Variants in DAO observed in about 807,000 individuals in gnomAD.
The protein encoded by DAO is D-amino acid oxidase, also known as D-amino-acid oxidase.
Under a neutral mutation model 50.1 loss-of-function variants are expected in DAO, and 51 were observed. That is an observed-to-expected ratio of 1.02 (90% CI 0.81 to 1.29). The LOEUF (loss-of-function observed/expected upper bound fraction) is 1.29, where lower values mean the gene tolerates loss of function less well. DAO is among the 50% of genes most tolerant of loss of function. The probability of loss-of-function intolerance (pLI) is 0.00; values close to 1 mark genes in which losing one functional copy is unlikely to be tolerated. For synonymous variants in DAO, 160 were observed against 166.2 expected, an observed-to-expected ratio of 0.96 and a Z score of 0.29; for missense variants, 436 against 439.4, an observed-to-expected ratio of 0.99 and a Z score of 0.07.
At chr12:108,898,836 G>T in intron 9 of DAO, 40 bp downstream of exon 9, 1 of 1,394,962 alleles carries the variant, frequency 7.2e-7, no homozygotes, top group Non-Finnish European at 1.0e-6. Context: ...AACCAAGGTC[G>T]TGGGAGCTTG....
chr12:108,900,742 C>A lies in DAO; in HGVS notation c.*207C>A, dbSNP rs866650219. On this transcript the variant is annotated 3_prime_UTR_variant, in exon 11 of 11. Coordinates refer to ENST00000228476, the MANE Select transcript of DAO (RefSeq NM_001917.5). ...CATCACTGAAATCCCTCTACCTTCTCTGGGTCTGGCATTATAAAGAACAGC... is the reference window on the plus strand; with the variant it reads ...CATCACTGAAATCCCTCTACCTTCTATGGGTCTGGCATTATAAAGAACAGC... The A allele has an allele frequency of 1.9e-5, 10 of 530,894 alleles. No individual in the cohort carries two copies. The Middle Eastern group carries it at 1.9e-3, about 99-fold the overall frequency. 32.9% of individuals were successfully genotyped at this position (530,894 alleles called of 1,614,324 possible). A position where few individuals can be genotyped will look rare whatever the true frequency, so the allele number is the denominator to read the frequency against.
At chr12:108,888,088 G>A (rs2039454000) in intron 3 of DAO, among the ~76,000 whole-genome samples, 1 of 152,216 alleles carries the variant, frequency 6.6e-6, no homozygotes, top group African/African-American at 2.4e-5. Flanking sequence ...AAGAAATGGA[G>A]TAACTTGCCC....
At chr12:108,895,299 A>ATATGAGGGTATGTGTGTGTGCATG (rs543716837) in intron 7 of DAO, among the ~76,000 whole-genome samples, 1 of 145,418 alleles carries the variant, frequency 6.9e-6, no homozygotes, top group African/African-American at 2.6e-5. Context: ...GTATGTGTGC[A>ATATGAGGGTATGTGTGTGTGCATG]TATGTGTGTG....
chr12:108,899,422 C>T lies in DAO; in HGVS notation c.859C>T (p.Pro287Ser). Residue 287 changes from proline (P) to serine (S), a missense_variant, in exon 10 of 11, where the codon CCC (proline) becomes TCC (serine). Pro to Ser is a moderately conservative substitution (Grantham distance 74). Transcript: ENST00000228476. ...ACGAACTGGCTTCCGGCCAGTACGC[C>T]CCCAGATTCGGCTAGAAAGAGAACA... ...GERTGFRPVR[P>S]QIRLEREQLR... is the part of the protein sequence containing the mutation. 1 of 1,613,854 alleles carries T rather than the reference C, an allele frequency of 6.2e-7. No homozygotes were observed. The highest frequency in any genetic ancestry group is 8.5e-7 in the Non-Finnish European group (1 of 1,179,924).
chr12:108,885,073 T>C lies in DAO; in HGVS notation c.67T>C (p.Tyr23His), dbSNP rs2039420545. 2.5e-6 allele frequency: 4 copies of C among 1,614,196 alleles called. No homozygotes were observed. Among genetic ancestry groups the C allele is most frequent in the Non-Finnish European group, 3.4e-6 (4 of 1,180,036 alleles). Reference protein sequence around the residue: ...LSTALCIHERYHSVLQPLDIK... With the variant: ...LSTALCIHERHHSVLQPLDIK... ...CACCGCCCTCTGCATCCATGAGCGCTACCACTCAGTCCTGCAGCCACTGGA... is the reference window on the plus strand; with the variant it reads ...CACCGCCCTCTGCATCCATGAGCGCCACCACTCAGTCCTGCAGCCACTGGA... The change falls in exon 2 of 11, where the codon TAC (tyrosine) becomes CAC (histidine). Residue 23 changes from tyrosine (Y) to histidine (H), a missense_variant. Tyr to His is a moderately conservative substitution (Grantham distance 83). Transcript: ENST00000228476.
intron 1 of DAO, among the ~76,000 whole-genome samples, chr12:108,880,949 C>A (rs1008126106): frequency 6.6e-6 from 1 of 152,038 alleles, no homozygotes; most frequent in African/African-American, 2.4e-5. Flanking sequence ...GAATGCTGTC[C>A]CATACTGACT....
intron 4 of DAO, among the ~76,000 whole-genome samples, chr12:108,889,919 T>C (rs1341031819): frequency 6.6e-6 from 1 of 152,166 alleles, no homozygotes; most frequent in Non-Finnish European, 1.5e-5. Context: ...TACAGCCTGA[T>C]GCCTCTCTGG....
chr12:108,891,119 C>A (rs939718301), intron 5 of DAO, among the ~76,000 whole-genome samples: 1 of 152,152 alleles, frequency 6.6e-6, no homozygotes, highest in African/African-American at 2.4e-5. Flanking sequence ...CCACGCCCAG[C>A]CTGATTCCAT....
chr12:108,885,011 G>A lies in DAO; in HGVS notation c.5G>A (p.Arg2His), dbSNP rs142698254. M[R>H]VVVIGAGVIG... The stretch of plus-strand genomic sequence containing the variant: ...TCCTTCCCACAGGCTGCTGCAATGC[G>A]TGTGGTGGTGATTGGAGCAGGAGTC... Residue 2 changes from arginine to histidine, a missense_variant, in exon 2 of 11, where the codon CGT becomes CAT. Transcript: ENST00000228476. The A allele has an allele frequency of 3.7e-5, 60 of 1,613,966 alleles. No homozygotes were observed. Among genetic ancestry groups the A allele is most frequent in the African/African-American group, 3.5e-4 (26 of 74,918 alleles).
intron 1 of DAO, among the ~76,000 whole-genome samples, chr12:108,882,966 T>C (rs891570471): frequency 6.6e-6 from 1 of 151,682 alleles, no homozygotes; most frequent in Non-Finnish European, 1.5e-5. Flanking sequence ...TGAGCTATGA[T>C]TGTGCCACTG....
intron 5 of DAO, among the ~76,000 whole-genome samples, chr12:108,891,443 C>T (rs1319730946): frequency 7.8e-6 from 1 of 128,634 alleles, no homozygotes; most frequent in East Asian, 2.7e-4. Flanking sequence ...GGGCGAGACC[C>T]TGTCTCAAAA....
At chr12:108,880,631 A>AC (rs1459339769) in intron 1 of DAO, among the ~76,000 whole-genome samples, 1,769 of 95,202 alleles carry the variant, frequency 0.019, 32 homozygotes, top group African/African-American at 0.071. Flanking sequence ...AAACTCTGCA[A>AC]ATAACTTCAT....
chr12:108,900,446 C>T lies in DAO; in HGVS notation c.955C>T (p.His319Tyr). 6.2e-7 allele frequency: 1 copy of T among 1,614,134 alleles called. No homozygotes were observed. Among genetic ancestry groups the T allele is most frequent in the Non-Finnish European group, 8.5e-7 (1 of 1,179,988 alleles). Residue 319 changes from histidine (H) to tyrosine (Y), a missense_variant, in exon 11 of 11, where the codon CAC becomes TAC. By Grantham distance (83) the His-to-Tyr change is moderately conservative. Transcript: ENST00000228476. The part of the protein sequence containing the change: ...YGHGGYGLTI[H>Y]WGCALEAAKL... ...CCATGGAGGCTACGGGCTCACCATCCACTGGGGATGTGCCCTGGAGGCAGC... is the reference window on the plus strand; with the variant it reads ...CCATGGAGGCTACGGGCTCACCATCTACTGGGGATGTGCCCTGGAGGCAGC...
intron 1 of DAO, among the ~76,000 whole-genome samples, chr12:108,884,086 G>A (rs1001030189): frequency 4.6e-5 from 7 of 152,240 alleles, no homozygotes; most frequent in African/African-American, 1.7e-4. Flanking sequence ...TTAAAAGCTG[G>A]TAGGCCTTCT....
chr12:108,881,604 T>TTTC (rs879389408), intron 1 of DAO, among the ~76,000 whole-genome samples: 13,128 of 105,626 alleles, frequency 0.12, 1,034 homozygotes, highest in South Asian at 0.28. Context: ...CTTTTAAATT[T>TTTC]TTTTTTTTTT....
intron 9 of DAO, among the ~76,000 whole-genome samples, chr12:108,899,045 G>A (rs899414953): frequency 5.3e-5 from 8 of 152,214 alleles, no homozygotes; most frequent in African/African-American, 1.7e-4. Flanking sequence ...CAGTAGTGAT[G>A]GTGATGAGGA....
intron 5 of DAO, among the ~76,000 whole-genome samples, chr12:108,892,169 T>G: frequency 6.9e-6 from 1 of 144,320 alleles, no homozygotes; most frequent in African/African-American, 2.6e-5. Flanking sequence ...CTTTTTTTTT[T>G]TTTTTTTTTT....
intron 8 of DAO, among the ~76,000 whole-genome samples, chr12:108,897,901 C>T (rs2039577563): frequency 6.6e-6 from 1 of 151,106 alleles, no homozygotes; most frequent in African/African-American, 2.4e-5. Context: ...GAGCCATGTT[C>T]ACACCACTGT....
chr12:108,895,866 G>C (rs2039548685), intron 7 of DAO, among the ~76,000 whole-genome samples: 1 of 151,774 alleles, frequency 6.6e-6, no homozygotes, highest in African/African-American at 2.4e-5. Flanking sequence ...CCTAATGTGG[G>C]CTGATGGGTG....
Sources: gnomAD v4.1 joint callset for allele counts (sites outside exome capture counted in the v4.1 genomes callset) on GRCh38, gnomAD v4.1.1 for gene constraint, MANE v1.5 for transcripts, NCBI Gene and HGNC (gene_info 2026-07-23, HGNC 2026-07-21) for gene names.